Variants in CHL1 observed in about 807,000 individuals in gnomAD.
CHL1 encodes the protein cell adhesion molecule L1 like, also known as neural cell adhesion molecule L1-like protein.
CHL1 carries 96 observed loss-of-function variants against 141.9 expected under a neutral mutation model. That is an observed-to-expected ratio of 0.68 (90% confidence interval 0.57 to 0.80). The LOEUF (loss-of-function observed/expected upper bound fraction) is 0.80, where lower values mean the gene tolerates loss of function less well. Among genes scored for constraint, CHL1 ranks in the 30% least tolerant of loss-of-function variants. The pLI, the probability that CHL1 is intolerant of heterozygous loss-of-function variation, is 0.00. For missense variants in CHL1, 1,820 were observed against 1,457.2 expected (o/e 1.25, Z -4.05); for synonymous variants, 613 against 502.2 (o/e 1.22, Z -2.95).
intron 2 of CHL1, 138 bp from the exon 3 acceptor site, chr3:319,545 G>C (rs544281387): frequency 2.2e-6 from 1 of 445,952 alleles, no homozygotes; most frequent in African/African-American, 2.2e-5. Flanking sequence ...CATTCATGCG[G>C]AGTTATGAGA....
Position 398,345 on chromosome 3 carries a change from T to C in CHL1, c.3213T>C (p.Asn1071=), listed in dbSNP as rs6771714. The C allele has an allele frequency of 0.99, 1,597,921 of 1,606,112 alleles. 795,230 individuals are homozygous for C. The highest frequency in any genetic ancestry group is 1 in the East Asian group (44,770 of 44,770). ...TAATGACTAAGAATTGGGGCGATAA[T>C]GATAGCATTTTTCAAGATGTAATTG... ...VRLMTKNWGD[N]DSIFQDVIET... Residue 1071 remains asparagine, a synonymous_variant, in exon 25 of 28, where the codon AAT becomes AAC. Transcript: ENST00000256509.
chr3:269,435 G>C (rs1695442547), intron 2 of CHL1, among the ~76,000 whole-genome samples: 1 of 152,188 alleles, frequency 6.6e-6, no homozygotes, highest in Non-Finnish European at 1.5e-5. Flanking sequence ...AATGGAGAGA[G>C]ATGGTAGGGA....
At chr3:329,130 T>A (rs1031840687) in intron 5 of CHL1, among the ~76,000 whole-genome samples, 1 of 152,134 alleles carries the variant, frequency 6.6e-6, no homozygotes, top group Non-Finnish European at 1.5e-5. Context: ...GGGATATCCA[T>A]GACCACCTTT....
intron 20 of CHL1, 89 bp from the exon 21 acceptor site, chr3:390,612 A>G (rs1240195206): frequency 2.7e-6 from 2 of 747,414 alleles, no homozygotes; most frequent in Non-Finnish European, 4.6e-6. Flanking sequence ...TGCTTTCTCC[A>G]GAAGAAACAT....
At chr3:402,110 C>A (rs1200881405) in intron 27 of CHL1, among the ~76,000 whole-genome samples, 1 of 152,160 alleles carries the variant, frequency 6.6e-6, no homozygotes, top group African/African-American at 2.4e-5. Flanking sequence ...TCTAGATGAA[C>A]CTGATCAGCA....
intron 3 of CHL1, among the ~76,000 whole-genome samples, chr3:322,662 A>AAT (rs1439269331): frequency 7.1e-4 from 98 of 138,968 alleles, no homozygotes; most frequent in African/African-American, 2.5e-3. Flanking sequence ...ATATATATAT[A>AAT]TATATATAAT....
chr3:335,520 T>G (rs1161535890), intron 5 of CHL1, among the ~76,000 whole-genome samples: 1 of 152,108 alleles, frequency 6.6e-6, no homozygotes, highest in Non-Finnish European at 1.5e-5. Context: ...TAGCATGCAG[T>G]TGTGACAATG....
chr3:315,145 C>T (rs1231909322), intron 2 of CHL1, among the ~76,000 whole-genome samples: 1 of 152,154 alleles, frequency 6.6e-6, no homozygotes, highest in Non-Finnish European at 1.5e-5. Context: ...TCATCACTTT[C>T]ACTAGTATTA....
chr3:305,432 C>A (rs1346668903), intron 2 of CHL1, among the ~76,000 whole-genome samples: 1 of 151,984 alleles, frequency 6.6e-6, no homozygotes, highest in Non-Finnish European at 1.5e-5. Flanking sequence ...AGAACGCTTG[C>A]ATTACTGATA....
chr3:240,970 A>T (rs143153555), intron 1 of CHL1, among the ~76,000 whole-genome samples: 5 of 152,178 alleles, frequency 3.3e-5, no homozygotes, highest in African/African-American at 4.8e-5. Flanking sequence ...CTAGTTTTAT[A>T]CAAGTACCAT....
chr3:398,949 C>T, intron 25 of CHL1, 68 bp from the exon 26 acceptor site: 2 of 1,454,692 alleles, frequency 1.4e-6, no homozygotes, highest in Middle Eastern at 1.8e-4. Context: ...GTCTAATTTT[C>T]CCCAATGTTA....
At chr3:404,416 A>G (rs1407142349) in intron 27 of CHL1, among the ~76,000 whole-genome samples, 3 of 152,182 alleles carry the variant, frequency 2.0e-5, no homozygotes, top group African/African-American at 7.2e-5. Flanking sequence ...TGATAAAATC[A>G]TTTTATATGG....
rs1002371647 is a variant in CHL1, at chr3:223,312, C to G, written c.-174-21301C>G. ...AGTGTTATAGGAATACAAATTTGCA[C>G]TATGAAGTTAATATTAGAAGATAAA... On this transcript the variant is annotated intron_variant, in intron 1 of 27. Transcript: ENST00000256509. 3.9e-5 allele frequency among the ~76,000 whole-genome samples: 6 copies of G among 152,154 alleles called. No individual in the cohort carries two copies. The East Asian group carries it at 1.2e-3, about 29-fold the overall frequency.
chr3:308,391 A>G (rs919502016), intron 2 of CHL1, among the ~76,000 whole-genome samples: 1 of 152,098 alleles, frequency 6.6e-6, no homozygotes, highest in Non-Finnish European at 1.5e-5. Context: ...AAAAATTGTG[A>G]GCCCTTGTTT....
chr3:303,732 A>AT, intron 2 of CHL1, among the ~76,000 whole-genome samples: 1 of 152,292 alleles, frequency 6.6e-6, no homozygotes, highest in Non-Finnish European at 1.5e-5. Context: ...CTCTTGCCTG[A>AT]TTGCCCTGGC....
Position 261,977 on chromosome 3 carries a change from A to T in CHL1, c.-95+17285A>T, listed in dbSNP as rs569375638. 2.2e-4 allele frequency among the ~76,000 whole-genome samples: 31 copies of T among 141,738 alleles called. No individual in the cohort carries two copies. The South Asian group carries it at 7.7e-3, about 35-fold the overall frequency. The allele number at this position is 141,738 out of a possible 152,430, so 93.0% of individuals were successfully genotyped here. On this transcript the variant is annotated intron_variant, in intron 2 of 27. Transcript: ENST00000256509. ...GCAGGATTCACACGTTTAAGCCTAG[A>T]TCTACACAGTACTCACAGGGCAGGA...
At chr3:259,262 G>A (rs754132497) in intron 2 of CHL1, among the ~76,000 whole-genome samples, 3 of 151,922 alleles carry the variant, frequency 2.0e-5, no homozygotes, top group Non-Finnish European at 2.9e-5. Flanking sequence ...TCTGTAGTGT[G>A]TGTGTGCACA....
intron 1 of CHL1, among the ~76,000 whole-genome samples, chr3:214,346 CA>C (rs1036012411): frequency 1.3e-4 from 20 of 151,678 alleles, no homozygotes; most frequent in African/African-American, 4.6e-4. Flanking sequence ...GCATGTGAAA[CA>C]AAAAAAGAGA....
chr3:314,341 A>ATATATATG (rs1700001411), intron 2 of CHL1, among the ~76,000 whole-genome samples: 1 of 60,736 alleles, frequency 1.6e-5, no homozygotes, highest in Non-Finnish European at 3.5e-5. Context: ...ATATATATAT[A>ATATATATG]TATATATATA....
Sources: allele counts gnomAD v4.1 joint callset (sites outside exome capture counted in the v4.1 genomes callset), GRCh38; gene constraint gnomAD v4.1.1; transcripts MANE v1.5; gene names NCBI Gene and HGNC (gene_info 2026-07-23, HGNC 2026-07-21).